The following CAMK4 variants were observed in gnomAD, a reference collection of about 807,000 sequenced individuals.
The protein encoded by CAMK4 is calcium/calmodulin dependent protein kinase IV.
CAMK4 carries 22 observed loss-of-function variants against 44.9 expected under a neutral mutation model. The ratio of observed to expected loss-of-function variants is 0.49; its 90% CI spans 0.35 to 0.70. The LOEUF (loss-of-function observed/expected upper bound fraction) is 0.70. Among genes scored for constraint, CAMK4 ranks in the 30% least tolerant of loss-of-function variants. CAMK4 has a pLI of 0.01. For synonymous variants in CAMK4, 218 were observed against 215.4 expected, an observed-to-expected ratio of 1.01 and a Z score of -0.11; for missense variants, 498 against 586.8, an observed-to-expected ratio of 0.85 and a Z score of 1.56.
intron 1 of CAMK4, among the ~76,000 whole-genome samples, chr5:111,254,824 T>C (rs1485277431): frequency 1.3e-5 from 2 of 152,028 alleles, no homozygotes; most frequent in East Asian, 1.9e-4. Flanking sequence ...GTGTGGATCA[T>C]TGGGTAAAAA....
At position 111,359,412 on chromosome 5, in the gene CAMK4, T is replaced by C. The variant is rs1430966577; in HGVS notation, c.240+15310T>C. Among the ~76,000 whole-genome samples, 2 of 33,540 alleles carry C rather than the reference T, an allele frequency of 6.0e-5. 1 individual carries two copies. Among genetic ancestry groups the C allele is most frequent in the African/African-American group, 1.4e-4 (2 of 14,402 alleles). The allele number at this position is 33,540 out of a possible 152,430, so 22.0% of individuals were successfully genotyped here. The stretch of plus-strand genomic sequence containing the variant: ...GTCCTTTGCCCACTTTTTAATGGGT[T>C]TTTTTGTTTTTTTCTTATAAATTTG... On this transcript the variant is annotated intron_variant, in intron 2 of 10. Coordinates refer to ENST00000282356, the MANE Select transcript of CAMK4 (RefSeq NM_001744.6).
At position 111,492,370 on chromosome 5, in the gene CAMK4, G is replaced by C. The variant is rs995598496; in HGVS notation, c.*7904G>C. On this transcript the variant is annotated 3_prime_UTR_variant, in exon 11 of 11. Coordinates refer to ENST00000282356, the MANE Select transcript of CAMK4 (RefSeq NM_001744.6). ...ATAATATAGCCACTAGGATACACTCGCTGTAGAACTCAGAACAAAAGATAT... is the reference window on the plus strand; with the variant it reads ...ATAATATAGCCACTAGGATACACTCCCTGTAGAACTCAGAACAAAAGATAT... The C allele has an allele frequency of 2.0e-5, 3 of 151,984 alleles. No homozygotes were observed. The highest frequency in any genetic ancestry group is 7.3e-5 in the African/African-American group (3 of 41,364). 9.4% of individuals were successfully genotyped at this position (151,984 alleles called of 1,614,324 possible). A position where few individuals can be genotyped will look rare whatever the true frequency, so the allele number is the denominator to read the frequency against.
intron 1 of CAMK4, among the ~76,000 whole-genome samples, chr5:111,260,632 C>G (rs1749932798): frequency 6.6e-6 from 1 of 152,154 alleles, no homozygotes; most frequent in Non-Finnish European, 1.5e-5. Flanking sequence ...AGAAACACTG[C>G]CTCTCTTCCT....
At chr5:111,303,207 C>T (rs1228477715) in intron 1 of CAMK4, among the ~76,000 whole-genome samples, 35 of 102,938 alleles carry the variant, frequency 3.4e-4, no homozygotes, top group African/African-American at 1.3e-3. Flanking sequence ...TCCAAAGGAA[C>T]GCAGTTCCTC....
intron 1 of CAMK4, among the ~76,000 whole-genome samples, chr5:111,287,431 C>T (rs181456022): frequency 6.6e-6 from 1 of 152,262 alleles, no homozygotes; most frequent in East Asian, 1.9e-4. Flanking sequence ...ATGCAACTCT[C>T]ATAGTTTATA....
intron 7 of CAMK4, among the ~76,000 whole-genome samples, chr5:111,459,366 C>G (rs1290837235): frequency 1.3e-5 from 2 of 152,134 alleles, no homozygotes; most frequent in East Asian, 1.9e-4. Flanking sequence ...GGGCTATCTC[C>G]TTGGTTTGGG....
At chr5:111,333,047 A>G (rs999786905) in intron 1 of CAMK4, among the ~76,000 whole-genome samples, 7 of 151,708 alleles carry the variant, frequency 4.6e-5, no homozygotes, top group Non-Finnish European at 7.4e-5. Context: ...GGACTGAGGT[A>G]TATAGTATAG....
At chr5:111,409,146 G>A (rs989680408) in intron 5 of CAMK4, among the ~76,000 whole-genome samples, 1 of 152,186 alleles carries the variant, frequency 6.6e-6, no homozygotes, top group Non-Finnish European at 1.5e-5. Flanking sequence ...TTGTGTGGGG[G>A]CTACAACCCT....
intron 5 of CAMK4, among the ~76,000 whole-genome samples, chr5:111,402,122 G>C (rs907081157): frequency 1.3e-5 from 2 of 152,220 alleles, no homozygotes; most frequent in African/African-American, 4.8e-5. Flanking sequence ...GAGTCAGAAA[G>C]CAAACAGGAA....
intron 1 of CAMK4, among the ~76,000 whole-genome samples, chr5:111,337,978 C>A (rs182022908): frequency 1.3e-5 from 2 of 151,298 alleles, no homozygotes; most frequent in African/African-American, 4.8e-5. Context: ...TCAGCTTTCA[C>A]AATGTGTAGT....
chr5:111,291,702 G>A (rs1236379038), intron 1 of CAMK4, among the ~76,000 whole-genome samples: 1 of 152,012 alleles, frequency 6.6e-6, no homozygotes, highest in East Asian at 1.9e-4. Flanking sequence ...TGTGGAGATG[G>A]GGTCTTGCTA....
In CAMK4 at chr5:111,227,802, A is replaced by G. The variant is rs534262076; in HGVS notation, c.161+3158A>G. On this transcript the variant is annotated intron_variant, in intron 1 of 10. Coordinates refer to ENST00000282356, the MANE Select transcript of CAMK4 (RefSeq NM_001744.6). ...AATTTTCCTAAAATCACATTTGAAG[A>G]CACTGTTTTGTTCATAGAGTTTTTC... is the stretch of plus-strand genomic sequence containing the variant. Among the ~76,000 whole-genome samples the G allele has an allele frequency of 8.5e-5, 13 of 152,340 alleles. No individual in the cohort carries two copies. The South Asian group carries it at 2.7e-3, about 32-fold the overall frequency.
chr5:111,401,734 T>C (rs2112876033), intron 5 of CAMK4, among the ~76,000 whole-genome samples: 1 of 152,146 alleles, frequency 6.6e-6, no homozygotes, highest in South Asian at 2.1e-4. Context: ...CTAAGCTAAG[T>C]TATTGTGTGT....
At chr5:111,406,293 G>C (rs960385672) in intron 5 of CAMK4, among the ~76,000 whole-genome samples, 10 of 148,668 alleles carry the variant, frequency 6.7e-5, no homozygotes, top group Non-Finnish European at 1.3e-4. Context: ...TGATATTTTG[G>C]CTCACTGCAA....
chr5:111,388,334 A>G (rs1430327507), intron 4 of CAMK4, among the ~76,000 whole-genome samples: 3 of 152,086 alleles, frequency 2.0e-5, no homozygotes, highest in African/African-American at 7.2e-5. Flanking sequence ...TTTGTTTGTA[A>G]CTTTCTTTAC....
intron 1 of CAMK4, among the ~76,000 whole-genome samples, chr5:111,265,591 A>G (rs950030918): frequency 1.3e-5 from 2 of 152,218 alleles, no homozygotes; most frequent in African/African-American, 4.8e-5. Flanking sequence ...TACCAGATTC[A>G]AGGCTTTTTA....
chr5:111,336,813 CTCTTA>C (rs1034102956), intron 1 of CAMK4, among the ~76,000 whole-genome samples: 43 of 150,666 alleles, frequency 2.9e-4, no homozygotes, highest in Admixed American at 2.1e-3. Flanking sequence ...GAAAATCTTT[CTCTTA>C]TATTTTTTCT....
chr5:111,298,645 A>G (rs564821138), intron 1 of CAMK4, among the ~76,000 whole-genome samples: 60 of 152,266 alleles, frequency 3.9e-4, no homozygotes, highest in African/African-American at 1.3e-3. Flanking sequence ...GGCAGTGACT[A>G]TCCCTGGAGC....
At chr5:111,453,546 G>T (rs1754306679) in intron 7 of CAMK4, among the ~76,000 whole-genome samples, 1 of 151,982 alleles carries the variant, frequency 6.6e-6, no homozygotes, top group African/African-American at 2.4e-5. Context: ...GCTCAAGACT[G>T]GTGAGAATCA....
Sources: allele counts gnomAD v4.1 joint callset (sites outside exome capture counted in the v4.1 genomes callset), GRCh38; gene constraint gnomAD v4.1.1; transcripts MANE v1.5; gene names NCBI Gene and HGNC (gene_info 2026-07-23, HGNC 2026-07-21).